Variants in DPP3 observed in about 807,000 individuals in gnomAD.
DPP3 encodes the protein DPP III.
A neutral mutation model predicts 89.8 loss-of-function variants in DPP3; 64 were observed. That is an observed-to-expected ratio of 0.71 (90% CI 0.58 to 0.88). The LOEUF (loss-of-function observed/expected upper bound fraction) is 0.88, where lower values mean the gene tolerates loss of function less well. Ranked by LOEUF, DPP3 falls within the 40% of genes least tolerant of loss-of-function variation. The pLI is 0.00. For synonymous variants in DPP3, 377 were observed against 404.3 expected (o/e 0.93, Z 0.81); for missense variants, 835 against 972.5 (o/e 0.86, Z 1.88).
At chr11:66,491,103 CA>C (rs1354453122) in intron 6 of DPP3, 149 bp from the exon 7 acceptor site, 1 of 1,216,914 alleles carries the variant, frequency 8.2e-7, no homozygotes, top group Non-Finnish European at 1.2e-6. Flanking sequence ...AGTTTATGCT[CA>C]TGTCTGTTGG....
chr11:66,491,407 G>C (rs1565269507), intron 7 of DPP3, 24 bp downstream of exon 7: 1 of 1,610,382 alleles, frequency 6.2e-7, no homozygotes, highest in Non-Finnish European at 8.5e-7. Flanking sequence ...GGGGCTGAGG[G>C]GTGCGGGCTG....
chr11:66,495,884 G>A (rs1855524326), intron 15 of DPP3, 134 bp downstream of exon 15: 2 of 1,415,620 alleles, frequency 1.4e-6, no homozygotes, highest in African/African-American at 1.4e-5. Flanking sequence ...CTGTTTGGGA[G>A]GCAAGTCACA....
At chr11:66,484,399 C>T (rs1855167464) in intron 2 of DPP3, among the ~76,000 whole-genome samples, 1 of 152,128 alleles carries the variant, frequency 6.6e-6, no homozygotes, top group Non-Finnish European at 1.5e-5. Context: ...TCAGGCATGG[C>T]TGGACTCGGA....
intron 1 of DPP3, 63 bp from the exon 2 acceptor site, chr11:66,482,130 C>A: frequency 1.3e-6 from 2 of 1,583,672 alleles, no homozygotes; most frequent in South Asian, 1.1e-5. Flanking sequence ...CATAAGAGTT[C>A]AGAGCCAGGT....
rs116189187 is a variant in DPP3, at chr11:66,490,031, G to C, written c.668-1222G>C. On this transcript the variant is annotated intron_variant, in intron 6 of 17. Transcript: ENST00000531863. The stretch of plus-strand genomic sequence containing the variant: ...CATCTCCATGGGCAAAGTCACAGTT[G>C]AGCTGGATATGATGGCTCACACCTG... Among the ~76,000 whole-genome samples the C allele has an allele frequency of 2.1e-3, 317 of 151,722 alleles. 1 individual carries two copies. Among genetic ancestry groups the C allele is most frequent in the African/African-American group, 7.3e-3 (301 of 41,424 alleles).
chr11:66,506,318 G>A (rs1021258597), intron 17 of DPP3, among the ~76,000 whole-genome samples: 1 of 150,432 alleles, frequency 6.6e-6, no homozygotes, highest in African/African-American at 2.5e-5. Flanking sequence ...GCAGTGGCTC[G>A]ATCTTGGCCC....
Position 66,504,134 on chromosome 11 carries a change from C to T in DPP3, c.1879-478C>T, listed in dbSNP as rs539536552. On this transcript the variant is annotated intron_variant, in intron 16 of 17. Coordinates refer to ENST00000531863, the MANE Select transcript of DPP3 (RefSeq NM_130443.4). The stretch of plus-strand genomic sequence containing the variant: ...GTTTTCCTTTTTCTTTCTTTCTTTT[C>T]CTTTTTTTTAGAGACGAGACGGGGT... Among the ~76,000 whole-genome samples the T allele has an allele frequency of 5.5e-3, 837 of 152,196 alleles. 2 individuals carry two copies. The highest frequency in any genetic ancestry group is 9.7e-3 in the Non-Finnish European group (658 of 68,016).
intron 9 of DPP3, among the ~76,000 whole-genome samples, chr11:66,492,174 T>C (rs1855410589): frequency 2.6e-5 from 4 of 152,124 alleles, no homozygotes; most frequent in Admixed American, 2.6e-4. Context: ...TGAGCACCAA[T>C]GTGATTAGGA....
intron 9 of DPP3, 67 bp from the exon 10 acceptor site, chr11:66,492,649 T>C: frequency 6.6e-7 from 1 of 1,510,418 alleles, no homozygotes; most frequent in African/African-American, 1.4e-5. Flanking sequence ...GCGTGATGGC[T>C]GGAGTAGGGT....
chr11:66,487,815 C>A, intron 5 of DPP3, 99 bp from the exon 6 acceptor site: 1 of 1,104,878 alleles, frequency 9.1e-7, no homozygotes. Flanking sequence ...GCCTGCTTTG[C>A]CTCCATGCCT....
At chr11:66,508,476 C>A (rs1590751044) in intron 17 of DPP3, among the ~76,000 whole-genome samples, 1 of 152,128 alleles carries the variant, frequency 6.6e-6, no homozygotes, top group East Asian at 1.9e-4. Flanking sequence ...ACACCAAGGA[C>A]TGTATCTGTT....
chr11:66,504,956 C>T (rs1590748360), intron 17 of DPP3, among the ~76,000 whole-genome samples, 182 bp downstream of exon 17: 1 of 152,172 alleles, frequency 6.6e-6, no homozygotes, highest in East Asian at 1.9e-4. Context: ...GTATCTGTCA[C>T]CACCCACCAC....
chr11:66,509,552 C>T lies in DPP3; in HGVS notation c.*301C>T, dbSNP rs201033027. 411 of 842,958 alleles carry T rather than the reference C, an allele frequency of 4.9e-4. 2 individuals are homozygous for T. Among genetic ancestry groups the T allele is most frequent in the Middle Eastern group, 2.5e-3 (11 of 4,336 alleles). 52.2% of individuals were successfully genotyped at this position (842,958 alleles called of 1,614,324 possible). A position where few individuals can be genotyped will look rare whatever the true frequency, so the allele number is the denominator to read the frequency against. On this transcript the variant is annotated 3_prime_UTR_variant, in exon 18 of 18. Transcript: ENST00000531863. ...TCTGAGAAGTCACTGGTCTAGATCCCGCAGGTGGCACGTGACAGCTAGGGT... is the reference window on the plus strand; with the variant it reads ...TCTGAGAAGTCACTGGTCTAGATCCTGCAGGTGGCACGTGACAGCTAGGGT...
rs1161551689 is a variant in DPP3 at position 66,509,326 on chromosome 11, G to A, written c.*75G>A. ...GGCCCTCCATTCGTGTGTGTATTTA[G>A]GGGCTGGGGAGGGGGAGGGGCAGGA... On this transcript the variant is annotated 3_prime_UTR_variant, in exon 18 of 18. Transcript: ENST00000531863. The A allele has an allele frequency of 1.3e-6, 2 of 1,551,786 alleles. No homozygotes were observed. Among genetic ancestry groups the A allele is most frequent in the South Asian group, 2.4e-5 (2 of 84,574 alleles).
rs573886223 is a variant in DPP3, at chr11:66,490,302, G to C, written c.668-951G>C. Among the ~76,000 whole-genome samples the C allele has an allele frequency of 2.0e-5, 3 of 152,234 alleles. No individual in the cohort carries two copies. The South Asian group carries it at 6.2e-4, about 32-fold the overall frequency. On this transcript the variant is annotated intron_variant, in intron 6 of 17. Transcript: ENST00000531863. ...AGTGTGTAAGCATCCCATTGCTTCT[G>C]TAACAAATTACCACAAATTTACTGG...
intron 16 of DPP3, among the ~76,000 whole-genome samples, chr11:66,498,474 C>T (rs1039003535): frequency 1.3e-5 from 2 of 152,160 alleles, no homozygotes; most frequent in African/African-American, 4.8e-5. Flanking sequence ...GGTGATCCAC[C>T]CGCCTTGACC....
intron 17 of DPP3, among the ~76,000 whole-genome samples, chr11:66,508,451 A>T (rs1161385473): frequency 6.6e-6 from 1 of 152,190 alleles, no homozygotes; most frequent in Non-Finnish European, 1.5e-5. Flanking sequence ...TCGTTGCTGA[A>T]TTGTGAGCTT....
At chr11:66,480,691 A>C (rs954272154) in intron 1 of DPP3, 1 of 441,736 alleles carries the variant, frequency 2.3e-6, no homozygotes, top group Non-Finnish European at 3.9e-6. Context: ...AGGCCGGGGC[A>C]GGGCGAGGAG....
intron 17 of DPP3, among the ~76,000 whole-genome samples, chr11:66,508,706 G>C (rs754136514): frequency 6.6e-6 from 1 of 151,958 alleles, no homozygotes; most frequent in Non-Finnish European, 1.5e-5. Context: ...TGTATGTTTA[G>C]TATAAACAGT....
Sources: gnomAD v4.1 joint callset for allele counts (sites outside exome capture counted in the v4.1 genomes callset) on GRCh38, gnomAD v4.1.1 for gene constraint, MANE v1.5 for transcripts, NCBI Gene and HGNC (gene_info 2026-07-23, HGNC 2026-07-21) for gene names.